Variants in AGBL3 observed in about 807,000 individuals in gnomAD.
The protein encoded by AGBL3 is AGBL carboxypeptidase 3.
AGBL3 carries 68 observed loss-of-function variants against 94.5 expected under a neutral mutation model. The ratio of observed to expected loss-of-function variants is 0.72; its 90% CI spans 0.59 to 0.88. The LOEUF (loss-of-function observed/expected upper bound fraction) is 0.88. Ranked by LOEUF, AGBL3 falls within the 40% of genes least tolerant of loss-of-function variation. The pLI is 0.00. For missense variants in AGBL3, 934 were observed against 1,103.8 expected (o/e 0.85, Z 2.18); for synonymous variants, 354 against 370.7 (o/e 0.95, Z 0.52).
Position 135,105,369 on chromosome 7 carries a change from C to G in AGBL3, c.2111-10011C>G, listed in dbSNP as rs1265409122. 2.0e-5 allele frequency among the ~76,000 whole-genome samples: 3 copies of G among 152,108 alleles called. No homozygotes were observed. In the East Asian group the frequency reaches 5.8e-4, roughly 29 times the overall value. ...ACAGGCATAGGCCACTGCGCCCAACCTACATTCAAGTTTTTAATCCATCTT... is the reference window on the plus strand; with the variant it reads ...ACAGGCATAGGCCACTGCGCCCAACGTACATTCAAGTTTTTAATCCATCTT... On this transcript the variant is annotated intron_variant, in intron 15 of 16. Coordinates refer to ENST00000436302, the MANE Select transcript of AGBL3 (RefSeq NM_178563.4).
intron 5 of AGBL3, among the ~76,000 whole-genome samples, chr7:135,024,476 C>G (rs536806681): frequency 6.6e-6 from 1 of 152,190 alleles, no homozygotes; most frequent in Non-Finnish European, 1.5e-5. Flanking sequence ...TCTGAAAACA[C>G]CCAGAAATGA....
intron 15 of AGBL3, among the ~76,000 whole-genome samples, chr7:135,098,813 T>C (rs6959657): frequency 0.26 from 39,529 of 152,088 alleles, 5,778 homozygotes; most frequent in East Asian, 0.58. Context: ...AATATGTCAT[T>C]GTTAGTTTTT....
intron 4 of AGBL3, among the ~76,000 whole-genome samples, chr7:134,998,414 C>T (rs1811275173): frequency 6.6e-6 from 1 of 152,142 alleles, no homozygotes; most frequent in African/African-American, 2.4e-5. Context: ...CAGTGTAATA[C>T]TAGATTTTCC....
At chr7:135,026,327 T>G (rs568962245) in intron 5 of AGBL3, among the ~76,000 whole-genome samples, 2 of 139,248 alleles carry the variant, frequency 1.4e-5, no homozygotes, top group African/African-American at 5.4e-5. Context: ...CGGGCTGGAG[T>G]GTAGTGGCAC....
intron 15 of AGBL3, among the ~76,000 whole-genome samples, chr7:135,111,168 C>T (rs1317332335): frequency 2.9e-5 from 4 of 138,962 alleles, no homozygotes; most frequent in African/African-American, 1.0e-4. Flanking sequence ...ATCCTTCCTT[C>T]TTGTTTCAAA....
chr7:135,093,720 G>A (rs1023510751), intron 15 of AGBL3: 1 of 152,130 alleles, frequency 6.6e-6, no homozygotes, highest in South Asian at 2.1e-4. Context: ...CTATCAAAAT[G>A]TCAGCTACCT....
At chr7:135,016,962 T>A in intron 4 of AGBL3, 90 bp from the exon 5 acceptor site, 1 of 829,924 alleles carries the variant, frequency 1.2e-6, no homozygotes, top group Non-Finnish European at 2.0e-6. Context: ...TTAGCCTAGA[T>A]CTATCAATGA....
intron 15 of AGBL3, among the ~76,000 whole-genome samples, chr7:135,101,541 C>G (rs2117031861): frequency 6.6e-6 from 1 of 152,102 alleles, no homozygotes. Context: ...CTTCCTGTTA[C>G]TTGATGCCTT....
At chr7:135,038,406 ATT>A (rs778388382) in intron 8 of AGBL3, among the ~76,000 whole-genome samples, 2 of 152,214 alleles carry the variant, frequency 1.3e-5, no homozygotes, top group Non-Finnish European at 2.9e-5. Context: ...TGCTATGTAA[ATT>A]TATACTGTCA....
At chr7:135,124,086 G>T (rs1315880841) in intron 16 of AGBL3, among the ~76,000 whole-genome samples, 1 of 152,078 alleles carries the variant, frequency 6.6e-6, no homozygotes, top group African/African-American at 2.4e-5. Context: ...CCAGTTAAAA[G>T]ACACAGACTG....
In AGBL3 at chr7:135,034,305, T is replaced by C. The variant is rs570387903; in HGVS notation, c.714T>C (p.Gly238=). The change falls in exon 7 of 17, where the codon GGT becomes GGC. Residue 238 remains glycine (G), a synonymous_variant. Coordinates refer to ENST00000436302, the MANE Select transcript of AGBL3 (RefSeq NM_178563.4). ...AACCTGCTAGTCTTTACAGTCGGGG[T>C]ATGCGCCCACTGTTCTATTCTGAAA... ...FTKPASLYSR[G]MRPLFYSEKE... The C allele has an allele frequency of 6.4e-7, 1 of 1,551,626 alleles. No homozygotes were observed. The highest frequency in any genetic ancestry group is 1.4e-5 in the African/African-American group (1 of 73,048).
chr7:135,081,580 C>T, intron 14 of AGBL3, 139 bp from the exon 15 acceptor site: 1 of 482,042 alleles, frequency 2.1e-6, no homozygotes, highest in Non-Finnish European at 3.5e-6. Context: ...TTGAAGACTG[C>T]TTATTTTAAT....
intron 4 of AGBL3, among the ~76,000 whole-genome samples, chr7:135,007,287 C>T (rs1000059457): frequency 4.0e-5 from 6 of 151,796 alleles, no homozygotes; most frequent in Non-Finnish European, 8.9e-5. Context: ...TAAAATTCAT[C>T]AGCAAAATAC....
intron 13 of AGBL3, among the ~76,000 whole-genome samples, chr7:135,079,402 T>C (rs892070855): frequency 2.6e-5 from 4 of 152,158 alleles, no homozygotes; most frequent in African/African-American, 7.2e-5. Flanking sequence ...CAATTATATA[T>C]ATGAAGAGGT....
intron 16 of AGBL3, among the ~76,000 whole-genome samples, chr7:135,122,013 GA>G (rs1247792582): frequency 6.6e-6 from 1 of 152,220 alleles, no homozygotes; most frequent in Non-Finnish European, 1.5e-5. Context: ...TAAGCCTACA[GA>G]GCTCCCCAGG....
chr7:135,076,556 G>A (rs960918592), intron 13 of AGBL3, 88 bp downstream of exon 13: 3 of 1,026,268 alleles, frequency 2.9e-6, no homozygotes, highest in South Asian at 3.1e-5. Context: ...TCTTATACCC[G>A]AATTTTCCCC....
Position 135,116,961 on chromosome 7 carries a change from A to G in AGBL3, c.2342+1350A>G, listed in dbSNP as rs77660732. On this transcript the variant is annotated intron_variant, in intron 16 of 16. Coordinates refer to ENST00000436302, the MANE Select transcript of AGBL3 (RefSeq NM_178563.4). ...CTCCAAGTCTTGGATATATGAGGCAAAAAGAAAACCCAGGAGACACCATTG... is the reference window on the plus strand; with the variant it reads ...CTCCAAGTCTTGGATATATGAGGCAGAAAGAAAACCCAGGAGACACCATTG... Among the ~76,000 whole-genome samples, 395 of 152,330 alleles carry G rather than the reference A, an allele frequency of 2.6e-3. 4 individuals carry two copies. Among genetic ancestry groups the G allele is most frequent in the Non-Finnish European group, 3.1e-3 (210 of 68,034 alleles).
chr7:134,993,231 C>T (rs1020473306), intron 3 of AGBL3, among the ~76,000 whole-genome samples: 9 of 152,216 alleles, frequency 5.9e-5, no homozygotes, highest in Middle Eastern at 3.4e-3. Context: ...AGAAAAGCTA[C>T]GAGAAACATG....
chr7:135,134,816 T>G, intron 16 of AGBL3, 25 bp from the exon 17 acceptor site: 2 of 1,541,806 alleles, frequency 1.3e-6, no homozygotes, highest in Non-Finnish European at 1.8e-6. Context: ...TGGACAAAAA[T>G]TCACGTATTT....
Sources: gnomAD v4.1 joint callset for allele counts (sites outside exome capture counted in the v4.1 genomes callset) on GRCh38, gnomAD v4.1.1 for gene constraint, MANE v1.5 for transcripts, NCBI Gene and HGNC (gene_info 2026-07-23, HGNC 2026-07-21) for gene names.